The following LPA variants were observed in gnomAD, a reference collection of about 807,000 sequenced individuals.
LPA encodes lipoprotein(a).
A neutral mutation model predicts 197.9 loss-of-function variants in LPA; 199 were observed. The ratio of observed to expected loss-of-function variants is 1.01; its 90% CI spans 0.90 to 1.13. The LOEUF (loss-of-function observed/expected upper bound fraction) is 1.13. LPA is among the 50% of genes most tolerant of loss of function. The pLI is 0.00. For missense variants in LPA, 1,853 were observed against 1,785.8 expected (o/e 1.04, Z -0.68); for synonymous variants, 715 against 639.5 (o/e 1.12, Z -1.78).
At chr6:160,549,378 C>G (rs749732504) in intron 30 of LPA, among the ~76,000 whole-genome samples, 8 of 152,126 alleles carry the variant, frequency 5.3e-5, no homozygotes, top group African/African-American at 1.7e-4. Flanking sequence ...CTAGAGGAAC[C>G]GGTATACGGA....
chr6:160,551,922 T>C (rs1778172727), intron 30 of LPA, among the ~76,000 whole-genome samples: 1 of 150,954 alleles, frequency 6.6e-6, no homozygotes, highest in Non-Finnish European at 1.5e-5. Flanking sequence ...CCTTTTTTTT[T>C]TTTTTTTTTG....
At chr6:160,610,957 T>C (rs1779493109) in intron 16 of LPA, among the ~76,000 whole-genome samples, 1 of 152,168 alleles carries the variant, frequency 6.6e-6, no homozygotes, top group African/African-American at 2.4e-5. Context: ...CCAGGGCTTC[T>C]ATCCATCTAC....
rs1434912873 is a variant in LPA at position 160,581,678 on chromosome 6, T to A, written c.4290-2974A>T. Reference sequence around the variant, plus strand: ...CTATCCCACAAACTTGTGATTTTATTCCAAGTTTTTTATTCTTTTTAAAGA... The same window carrying A: ...CTATCCCACAAACTTGTGATTTTATACCAAGTTTTTTATTCTTTTTAAAGA... On this transcript the variant is annotated intron_variant, in intron 26 of 38. Coordinates refer to ENST00000316300, the MANE Select transcript of LPA (RefSeq NM_005577.4). Among the ~76,000 whole-genome samples, 7 of 152,306 alleles carry A rather than the reference T, an allele frequency of 4.6e-5. No homozygotes were observed. The South Asian group carries it at 1.2e-3, about 27-fold the overall frequency.
intron 1 of LPA, among the ~76,000 whole-genome samples, chr6:160,653,873 A>T (rs1189956681): frequency 8.7e-6 from 1 of 114,852 alleles, no homozygotes; most frequent in Non-Finnish European, 1.8e-5. Context: ...AATAAATGAG[A>T]TTAATGACAT....
chr6:160,647,962 T>C (rs1281605049), intron 2 of LPA, among the ~76,000 whole-genome samples: 1 of 152,214 alleles, frequency 6.6e-6, no homozygotes, highest in African/African-American at 2.4e-5. Context: ...ATTCTTCTTC[T>C]CCTTAATTCC....
chr6:160,535,830 A>G (rs749208001), intron 37 of LPA, among the ~76,000 whole-genome samples: 154 of 152,280 alleles, frequency 1.0e-3, no homozygotes, highest in Non-Finnish European at 1.8e-3. Flanking sequence ...TGTCACATGG[A>G]AGATGGGAGA....
At chr6:160,578,500 A>G in intron 27 of LPA, 23 bp downstream of exon 27, 2 of 1,613,424 alleles carry the variant, frequency 1.2e-6, no homozygotes, top group Non-Finnish European at 1.7e-6. Context: ...CAGTATATAG[A>G]TGTCTAACCA....
intron 30 of LPA, among the ~76,000 whole-genome samples, chr6:160,554,222 A>T (rs1246923074): frequency 6.6e-6 from 1 of 151,644 alleles, no homozygotes; most frequent in African/African-American, 2.4e-5. Context: ...TACAGTTTTA[A>T]TTTCTTTGTC....
chr6:160,576,376 A>ATGTG lies in LPA; in HGVS notation c.4631+759_4631+760insCACA, dbSNP rs1562327930. 4.9e-4 allele frequency among the ~76,000 whole-genome samples: 19 copies of ATGTG among 39,170 alleles called. 1 individual carries two copies. The highest frequency in any genetic ancestry group is 3.3e-3 in the South Asian group (3 of 902). 25.7% of individuals were successfully genotyped at this position (39,170 alleles called of 152,430 possible). The stretch of plus-strand genomic sequence containing the variant: ...TATATATATATATATACATATATAT[A>ATGTG]TATATATATATATGTATATATATAT... On this transcript the variant is annotated intron_variant, in intron 28 of 38. Transcript: ENST00000316300.
chr6:160,591,579 C>T (rs1170721367), intron 22 of LPA, among the ~76,000 whole-genome samples: 1 of 152,202 alleles, frequency 6.6e-6, no homozygotes, highest in Non-Finnish European at 1.5e-5. Flanking sequence ...GATCTACATT[C>T]ATGAATTTAT....
chr6:160,635,765 T>C (rs1442735684), intron 6 of LPA, among the ~76,000 whole-genome samples: 1 of 90,954 alleles, frequency 1.1e-5, no homozygotes, highest in East Asian at 2.7e-4. Flanking sequence ...GCAACGAACA[T>C]GTAGTTCTTC....
At chr6:160,654,852 G>A (rs960874821) in intron 1 of LPA, among the ~76,000 whole-genome samples, 9 of 152,088 alleles carry the variant, frequency 5.9e-5, no homozygotes, top group African/African-American at 1.9e-4. Context: ...GTCCACTTTC[G>A]GGTGGTGCCT....
In LPA at chr6:160,554,285, C is replaced by T. The variant is rs1372944183; in HGVS notation, c.4973+1740G>A. ...TCTATTTGTATTGACTGGTTTTTCT[C>T]CTAGTTATGGATCACACTAATTGCT... On this transcript the variant is annotated intron_variant, in intron 30 of 38. Transcript: ENST00000316300. 3.3e-5 allele frequency among the ~76,000 whole-genome samples: 5 copies of T among 152,048 alleles called. No homozygotes were observed. The East Asian group carries it at 9.6e-4, about 29-fold the overall frequency.
intron 1 of LPA, among the ~76,000 whole-genome samples, chr6:160,659,092 G>A (rs904210917): frequency 1.3e-5 from 2 of 152,144 alleles, no homozygotes; most frequent in Non-Finnish European, 2.9e-5. Flanking sequence ...GAAGAACTTG[G>A]AGTCCGATGT....
rs180673592 is a variant in LPA at position 160,646,894 on chromosome 6, A to G, written c.210-499T>C. Among the ~76,000 whole-genome samples, 1,224 of 148,810 alleles carry G rather than the reference A, an allele frequency of 8.2e-3. 12 individuals are homozygous for G. Among genetic ancestry groups the G allele is most frequent in the South Asian group, 0.014 (68 of 4,758 alleles). On this transcript the variant is annotated intron_variant, in intron 2 of 38. Transcript: ENST00000316300. ...AGAAAACATGGCATCAAGGAGGATAACCTTTCCAGGTCAACTCTCACACTC... is the reference window on the plus strand; with the variant it reads ...AGAAAACATGGCATCAAGGAGGATAGCCTTTCCAGGTCAACTCTCACACTC...
intron 29 of LPA, among the ~76,000 whole-genome samples, chr6:160,556,409 C>A (rs1176318964): frequency 6.6e-6 from 1 of 152,088 alleles, no homozygotes; most frequent in Admixed American, 6.6e-5. Context: ...AAGGACCTAT[C>A]AGTGCTCTTA....
At chr6:160,579,082 ATC>A (rs1178986484) in intron 26 of LPA, among the ~76,000 whole-genome samples, 7 of 152,226 alleles carry the variant, frequency 4.6e-5, no homozygotes, top group African/African-American at 1.7e-4. Context: ...ATACAAAGAT[ATC>A]TCTGTCTGTC....
At chr6:160,565,079 A>G (rs1198739378) in intron 28 of LPA, among the ~76,000 whole-genome samples, 2 of 152,244 alleles carry the variant, frequency 1.3e-5, no homozygotes, top group Non-Finnish European at 2.9e-5. Context: ...CTGCCTCTGT[A>G]GACTCCACCT....
chr6:160,608,082 T>C (rs1310763693), intron 16 of LPA, among the ~76,000 whole-genome samples: 2 of 152,188 alleles, frequency 1.3e-5, no homozygotes, highest in Non-Finnish European at 2.9e-5. Context: ...TTGTTTCCAG[T>C]AGTCAACGCT....
Sources: gnomAD v4.1 joint callset for allele counts (sites outside exome capture counted in the v4.1 genomes callset) on GRCh38, gnomAD v4.1.1 for gene constraint, MANE v1.5 for transcripts, NCBI Gene and HGNC (gene_info 2026-07-23, HGNC 2026-07-21) for gene names.